Variants in NCAPD3 observed in about 807,000 individuals in gnomAD.
NCAPD3 encodes condensin-2 complex subunit D3.
NCAPD3 carries 105 observed loss-of-function variants against 182.9 expected under a neutral mutation model. The ratio of observed to expected loss-of-function variants is 0.57; its 90% CI spans 0.49 to 0.68. The LOEUF is 0.68. Among genes scored for constraint, NCAPD3 ranks in the 30% least tolerant of loss-of-function variants. The pLI is 0.00. For missense variants in NCAPD3, 1,944 were observed against 1,837.0 expected, an observed-to-expected ratio of 1.06 and a Z score of -1.07; for synonymous variants, 815 against 679.9, an observed-to-expected ratio of 1.20 and a Z score of -3.09.
intron 24 of NCAPD3, among the ~76,000 whole-genome samples, chr11:134,174,050 T>G (rs1472537288): frequency 6.6e-6 from 1 of 151,384 alleles, no homozygotes; most frequent in Non-Finnish European, 1.5e-5. Context: ...TTCAATAGGC[T>G]CTGCCACCAT....
At chr11:134,196,538 C>T (rs1317320918) in intron 13 of NCAPD3, among the ~76,000 whole-genome samples, 1 of 150,678 alleles carries the variant, frequency 6.6e-6, no homozygotes, top group Admixed American at 6.6e-5. Context: ...CCCAGATACT[C>T]AGGAGGCTGA....
chr11:134,163,940 T>G (rs1368171756), intron 27 of NCAPD3, among the ~76,000 whole-genome samples: 1 of 148,898 alleles, frequency 6.7e-6, no homozygotes, highest in Non-Finnish European at 1.5e-5. Context: ...ACATGGCCTG[T>G]GACAGAAAGA....
At chr11:134,154,576 TCCTGGGTGGTGCAGCCTC>T (rs1265993081) in intron 32 of NCAPD3, among the ~76,000 whole-genome samples, 3 of 119,120 alleles carry the variant, frequency 2.5e-5, no homozygotes, top group Admixed American at 2.1e-4. Context: ...GCCTCGCCCC[TCCTGGGTGGTGCAGCCTC>T]GCCCCTCCTG....
chr11:134,177,467 A>G lies in NCAPD3; in HGVS notation c.2783-10T>C, dbSNP rs1426521245. 2.5e-6 allele frequency: 4 copies of G among 1,605,012 alleles called. No homozygotes were observed. The African/African-American group carries it at 5.3e-5, about 21-fold the overall frequency. ...TGTAAGCACAGCTTACCTGGCACAG[A>G]AGACAGGAAGATGTCTCAACTGTAT... On this transcript the variant is annotated splice_polypyrimidine_tract_variant and intron_variant, in intron 22 of 34. Transcript: ENST00000534548.
At chr11:134,192,391 T>C (rs756880029) in intron 16 of NCAPD3, among the ~76,000 whole-genome samples, 2 of 152,172 alleles carry the variant, frequency 1.3e-5, no homozygotes, top group African/African-American at 2.4e-5. Flanking sequence ...TGGGGAAAGG[T>C]GATATTAATA....
At position 134,220,595 on chromosome 11, in the gene NCAPD3, T is replaced by C. The variant is rs542933095; in HGVS notation, c.196A>G (p.Thr66Ala). The change falls in exon 2 of 35, where the codon ACT becomes GCT. Residue 66 changes from threonine to alanine, a missense_variant. Coordinates refer to ENST00000534548, the MANE Select transcript of NCAPD3 (RefSeq NM_015261.3). Reference sequence around the variant, plus strand: ...ACCTCCATAGATCCATGTTCTCCAGTAGCAAAGGGTAAAAGGCTTTCATAG... The same window carrying C: ...ACCTCCATAGATCCATGTTCTCCAGCAGCAAAGGGTAAAAGGCTTTCATAG... ...KLYESLLPFA[T>A]GEHGSMESIW... The C allele has an allele frequency of 8.1e-6, 13 of 1,613,754 alleles. 1 individual carries two copies. In the South Asian group the frequency reaches 9.9e-5, roughly 12 times the overall value.
rs76434720 is a variant in NCAPD3, at chr11:134,191,478, T to C, written c.2045+1211A>G. 1.7e-3 allele frequency among the ~76,000 whole-genome samples: 258 copies of C among 152,334 alleles called. 1 individual carries two copies. The highest frequency in any genetic ancestry group is 6.1e-3 in the African/African-American group (252 of 41,574). ...TACTGACCTTATGGTTTGTGTACTT[T>C]TCTAGACATGCTATACTTCAATACA... On this transcript the variant is annotated intron_variant, in intron 16 of 34. Transcript: ENST00000534548.
chr11:134,165,236 G>GCC (rs1943737996), intron 27 of NCAPD3, among the ~76,000 whole-genome samples: 1 of 148,176 alleles, frequency 6.7e-6, no homozygotes, highest in South Asian at 2.2e-4. Context: ...TAGGGGAGCA[G>GCC]CACGCTCACT....
rs2120437315 is a variant in NCAPD3, at chr11:134,151,836, A to C, written c.*1108T>G. 1 of 140,684 alleles carries C rather than the reference A, an allele frequency of 7.1e-6. No individual in the cohort carries two copies. The highest frequency in any genetic ancestry group is 2.4e-4 in the South Asian group (1 of 4,132). 8.7% of individuals were successfully genotyped at this position (140,684 alleles called of 1,614,324 possible). On this transcript the variant is annotated 3_prime_UTR_variant, in exon 35 of 35. Coordinates refer to ENST00000534548, the MANE Select transcript of NCAPD3 (RefSeq NM_015261.3). ...ATTTCAGTGGTTAGGCATGCACACT[A>C]AAAATGCTATCAATCACCCATCCAC...
chr11:134,165,226 T>G (rs985405567), intron 27 of NCAPD3, among the ~76,000 whole-genome samples: 3 of 143,916 alleles, frequency 2.1e-5, no homozygotes, highest in Non-Finnish European at 4.5e-5. Flanking sequence ...GAGATGAGCT[T>G]AGGGGAGCAG....
chr11:134,223,988 C>G, upstream of NCAPD3: 2 of 1,583,694 alleles, frequency 1.3e-6, no homozygotes, highest in Non-Finnish European at 1.7e-6. Context: ...CCCGCGCGCG[C>G]GCCGAGTCGT....
chr11:134,179,394 T>C (rs1944243812), intron 20 of NCAPD3, among the ~76,000 whole-genome samples: 1 of 152,242 alleles, frequency 6.6e-6, no homozygotes, highest in Admixed American at 6.5e-5. Flanking sequence ...AATGATTACT[T>C]TGAATATTAG....
At position 134,208,893 on chromosome 11, in the gene NCAPD3, A is replaced by G. The variant is rs1368576737; in HGVS notation, c.853T>C (p.Cys285Arg). 6.2e-6 allele frequency: 10 copies of G among 1,612,962 alleles called. No individual in the cohort carries two copies. The highest frequency in any genetic ancestry group is 8.5e-6 in the Non-Finnish European group (10 of 1,179,650). The change falls in exon 7 of 35, where the codon TGC becomes CGC. Residue 285 changes from cysteine to arginine, a missense_variant. Cys to Arg is a radical substitution (Grantham distance 180). Coordinates refer to ENST00000534548, the MANE Select transcript of NCAPD3 (RefSeq NM_015261.3). ...TCTCCTTCTCCATGAATGGGAGAGC[A>G]CAGCAAATACAATCCATAATAAGCC... ...ELAYYGLYLL[C>R]SPIHGEGDKV...
intron 29 of NCAPD3, among the ~76,000 whole-genome samples, chr11:134,159,258 C>T (rs1320812735): frequency 1.3e-5 from 2 of 152,328 alleles, no homozygotes; most frequent in East Asian, 3.9e-4. Context: ...AGTGGCTGTT[C>T]TACTTTCCAT....
chr11:134,178,579 G>C (rs1383383987), intron 22 of NCAPD3, 55 bp downstream of exon 22: 1 of 1,361,244 alleles, frequency 7.3e-7, no homozygotes, highest in Non-Finnish European at 1.0e-6. Context: ...GCTTACTTAA[G>C]ACAACAGCTA....
rs1404857564 is a variant in NCAPD3, at chr11:134,177,245, G to A, written c.2995C>T (p.Leu999Phe). ...TGCAAGAGATTGGTAAGCAAGATGAGTGTCTGCTTCCGGATGAATGGGTCG... is the reference window on the plus strand; with the variant it reads ...TGCAAGAGATTGGTAAGCAAGATGAATGTCTGCTTCCGGATGAATGGGTCG... ...DSDPFIRKQT[L>F]ILLTNLLQEE... Residue 999 changes from leucine to phenylalanine, a missense_variant, in exon 23 of 35, where the codon CTC becomes TTC. This residue lies in a region of NCAPD3 where 1,803 missense variants were observed against 1,674.6 expected (regional missense o/e 1.08). Transcript: ENST00000534548. The A allele has an allele frequency of 1.2e-6, 2 of 1,614,168 alleles. No homozygotes were observed. Among genetic ancestry groups the A allele is most frequent in the South Asian group, 2.2e-5 (2 of 91,082 alleles).
At chr11:134,213,985 A>C (rs1201432408) in intron 3 of NCAPD3, among the ~76,000 whole-genome samples, 4 of 152,120 alleles carry the variant, frequency 2.6e-5, no homozygotes, top group Admixed American at 2.0e-4. Flanking sequence ...AGATTCCAAC[A>C]TTCCTCTCTC....
chr11:134,223,524 G>A, intron 1 of NCAPD3: 2 of 701,510 alleles, frequency 2.9e-6, no homozygotes, highest in Middle Eastern at 2.3e-4. Flanking sequence ...GCGGAAGAAA[G>A]AGATTTGCAA....
intron 32 of NCAPD3, chr11:134,153,605 G>A (rs1266893270): frequency 7.1e-6 from 4 of 562,546 alleles, no homozygotes; most frequent in Non-Finnish European, 1.3e-5. Context: ...TGGCCCCTGG[G>A]CCTCACTGTT....
Sources: allele counts gnomAD v4.1 joint callset (sites outside exome capture counted in the v4.1 genomes callset), GRCh38; gene constraint gnomAD v4.1.1; regional missense constraint gnomAD v4.1.1; transcripts MANE v1.5; gene names NCBI Gene and HGNC (gene_info 2026-07-23, HGNC 2026-07-21).